The following DST variants were observed in gnomAD, a reference collection of about 807,000 sequenced individuals.
DST encodes the protein bullous pemphigoid antigen.
Under a neutral mutation model 875.2 loss-of-function variants are expected in DST, and 253 were observed. The observed-to-expected ratio is 0.29, with a 90% CI of 0.26 to 0.32. The LOEUF (loss-of-function observed/expected upper bound fraction) is 0.32, where lower values mean the gene tolerates loss of function less well. Among genes scored for constraint, DST ranks in the 10% least tolerant of loss-of-function variants. The pLI, the probability that DST is intolerant of heterozygous loss-of-function variation, is 1.00. For missense variants in DST, 8,287 were observed against 9,111.6 expected, an observed-to-expected ratio of 0.91 and a Z score of 3.68; for synonymous variants, 3,124 against 3,197.1, an observed-to-expected ratio of 0.98 and a Z score of 0.77.
chr6:56,800,187 G>A (rs1176647490), intron 4 of DST, among the ~76,000 whole-genome samples: 2 of 152,086 alleles, frequency 1.3e-5, no homozygotes, highest in African/African-American at 4.8e-5. Context: ...GTAGACAAAG[G>A]GAAGAAGGGG....
intron 10 of DST, among the ~76,000 whole-genome samples, chr6:56,661,940 G>A (rs532069558): frequency 1.9e-4 from 29 of 152,090 alleles, no homozygotes; most frequent in Non-Finnish European, 3.2e-4. Flanking sequence ...AACTTACTTC[G>A]TCACTTTTCC....
At chr6:56,662,414 A>AT (rs555413531) in intron 10 of DST, among the ~76,000 whole-genome samples, 105 of 152,374 alleles carry the variant, frequency 6.9e-4, no homozygotes, top group African/African-American at 2.5e-3. Context: ...ACAAAATGTT[A>AT]TACACATACA....
intron 84 of DST, 148 bp from the exon 85 acceptor site, chr6:56,492,581 C>T (rs1183172781): frequency 1.0e-5 from 9 of 868,206 alleles, no homozygotes; most frequent in Non-Finnish European, 1.6e-5. Flanking sequence ...TTTAAAAAGG[C>T]CTGCTGTCAG....
intron 4 of DST, among the ~76,000 whole-genome samples, chr6:56,743,688 G>A (rs1443125046): frequency 6.6e-6 from 1 of 152,056 alleles, no homozygotes; most frequent in East Asian, 1.9e-4. Context: ...CAATCAGTGA[G>A]ATAACTTTCA....
chr6:56,649,518 C>T (rs2098962375), intron 12 of DST, among the ~76,000 whole-genome samples: 1 of 151,206 alleles, frequency 6.6e-6, no homozygotes, highest in Non-Finnish European at 1.5e-5. Flanking sequence ...TTTCTAAAGG[C>T]TTCTTGGGAA....
chr6:56,712,102 AAAAATAGGAGGAGG>A (rs996194600), intron 5 of DST, among the ~76,000 whole-genome samples: 3 of 150,900 alleles, frequency 2.0e-5, no homozygotes, highest in Non-Finnish European at 3.0e-5. Context: ...AAAAAAAAAA[AAAAATAGGAGGAGG>A]TATTTTAGAT....
intron 36 of DST, chr6:56,617,920 A>G: frequency 7.1e-7 from 1 of 1,405,280 alleles, no homozygotes; most frequent in Middle Eastern, 1.8e-4. Context: ...AGTCTAGGAG[A>G]GAAAGGAAAC....
intron 49 of DST, among the ~76,000 whole-genome samples, chr6:56,582,802 G>A (rs1449074623): frequency 1.3e-5 from 2 of 151,686 alleles, no homozygotes; most frequent in African/African-American, 4.8e-5. Flanking sequence ...GTGTCCATGT[G>A]TTCTCATTGT....
chr6:56,676,658 T>C (rs1356475101), intron 9 of DST, among the ~76,000 whole-genome samples: 2 of 147,362 alleles, frequency 1.4e-5, no homozygotes, highest in African/African-American at 5.1e-5. Flanking sequence ...ATTTTAAAAA[T>C]GTGATATATA....
At position 56,592,368 on chromosome 6, in the gene DST, A is replaced by G. The variant is rs1306961476; in HGVS notation, c.12727-10T>C. The G allele has an allele frequency of 1.3e-6, 2 of 1,575,232 alleles. No individual in the cohort carries two copies. Among genetic ancestry groups the G allele is most frequent in the East Asian group, 4.6e-5 (2 of 43,686 alleles). ...TTCCAAGAACATTGCACTAACAATC[A>G]AAAGAGAAAAGGGGTAGGAGATTAA... On this transcript the variant is annotated splice_polypyrimidine_tract_variant and intron_variant, in intron 48 of 103. Coordinates refer to ENST00000680361, the MANE Select transcript of DST (RefSeq NM_001374736.1).
At chr6:56,523,315 T>TA (rs2096740368) in intron 69 of DST, among the ~76,000 whole-genome samples, 1 of 152,124 alleles carries the variant, frequency 6.6e-6, no homozygotes, top group Admixed American at 6.6e-5. Context: ...GAAAGTTCAA[T>TA]AGCGTATCTT....
chr6:56,896,368 A>C (rs967120254), intron 3 of DST, among the ~76,000 whole-genome samples: 21 of 152,104 alleles, frequency 1.4e-4, no homozygotes, highest in African/African-American at 5.1e-4. Flanking sequence ...TGGGTTTATC[A>C]GGGGTTTCTG....
rs768382656 is a variant in DST, at chr6:56,616,369, A to G, written c.4930-1885T>C. The G allele has an allele frequency of 2.4e-5, 39 of 1,613,692 alleles. No individual in the cohort carries two copies. The highest frequency in any genetic ancestry group is 3.3e-5 in the Non-Finnish European group (39 of 1,180,008). Reference sequence around the variant, plus strand: ...GATATTGCTGCCCTGAAAGTTCAAGATATATACTTTTCTCAATCAGGTTTC... The same window carrying G: ...GATATTGCTGCCCTGAAAGTTCAAGGTATATACTTTTCTCAATCAGGTTTC... On this transcript the variant is annotated intron_variant, in intron 36 of 103. Transcript: ENST00000680361.
Position 56,942,867 on chromosome 6 carries a change from T to A in DST, c.216+10918A>T, listed in dbSNP as rs554115349. Among the ~76,000 whole-genome samples, 9 of 152,018 alleles carry A rather than the reference T, an allele frequency of 5.9e-5. No homozygotes were observed. The South Asian group carries it at 1.0e-3, about 18-fold the overall frequency. On this transcript the variant is annotated intron_variant, in intron 2 of 103. Coordinates refer to ENST00000680361, the MANE Select transcript of DST (RefSeq NM_001374736.1). Reference sequence around the variant, plus strand: ...AAGTAGTTAGGACTATAGGAGCACATCACCATGCCCGACAAAATTTTTAAA... The same window carrying A: ...AAGTAGTTAGGACTATAGGAGCACAACACCATGCCCGACAAAATTTTTAAA...
At chr6:56,723,578 A>T (rs1259637818) in intron 5 of DST, among the ~76,000 whole-genome samples, 2 of 152,172 alleles carry the variant, frequency 1.3e-5, no homozygotes, top group East Asian at 3.8e-4. Flanking sequence ...AAAAATTTAA[A>T]AAAGAAGGGC....
rs556388437 is a variant in DST, at chr6:56,511,340, G to A, written c.18637C>T (p.Pro6213Ser). Residue 6213 changes from proline to serine, a missense_variant, in exon 73 of 104, where the codon CCA (proline) becomes TCA (serine). Pro to Ser is a moderately conservative substitution (Grantham distance 74). Transcript: ENST00000680361. ...PHIDKMNKTG[P>S]QLLELSPGEG... The stretch of plus-strand genomic sequence containing the variant: ...CCAGGGCTCAATTCCAGTAACTGTG[G>A]CCCAGTTTTGTTCATCTTATCTATA... The A allele has an allele frequency of 1.2e-6, 2 of 1,608,276 alleles. No homozygotes were observed. The highest frequency in any genetic ancestry group is 1.3e-5 in the African/African-American group (1 of 74,952).
At chr6:56,577,070 A>G (rs544786735) in intron 50 of DST, among the ~76,000 whole-genome samples, 55 of 152,296 alleles carry the variant, frequency 3.6e-4, no homozygotes, top group African/African-American at 1.2e-3. Flanking sequence ...TATTTTTTTA[A>G]ATCATTGGTT....
At chr6:56,615,099 T>TTATA in intron 36 of DST, 1 of 1,030,430 alleles carries the variant, frequency 9.7e-7, no homozygotes, top group Non-Finnish European at 1.2e-6. Flanking sequence ...GGGAACGAAT[T>TTATA]TATATCTTTC....
intron 77 of DST, among the ~76,000 whole-genome samples, chr6:56,505,085 T>A (rs1250598190): frequency 6.6e-6 from 1 of 152,196 alleles, no homozygotes; most frequent in African/African-American, 2.4e-5. Context: ...CCTGACTAAG[T>A]ACTTAAGCAG....
Sources: allele counts gnomAD v4.1 joint callset (sites outside exome capture counted in the v4.1 genomes callset), GRCh38; gene constraint gnomAD v4.1.1; transcripts MANE v1.5; gene names NCBI Gene and HGNC (gene_info 2026-07-23, HGNC 2026-07-21).